The following NBPF15 variants were observed in gnomAD, a reference collection of about 807,000 sequenced individuals.
NBPF15 encodes NBPF member 15, also known as NBPF family member NBPF15.
NBPF15 carries 74 observed loss-of-function variants against 62.2 expected under a neutral mutation model. The ratio of observed to expected loss-of-function variants is 1.19; its 90% CI spans 0.99 to 1.44. NBPF15 has a LOEUF of 1.44. Among genes scored for constraint, NBPF15 ranks in the 40% most tolerant of loss-of-function variants. NBPF15 has a pLI of 0.00. For synonymous variants in NBPF15, 244 were observed against 209.7 expected (o/e 1.16, Z -1.41); for missense variants, 790 against 550.0 (o/e 1.44, Z -4.36).
At chr1:144,433,123 A>C (rs1447289251) in intron 13 of NBPF15, among the ~76,000 whole-genome samples, 1 of 152,064 alleles carries the variant, frequency 6.6e-6, no homozygotes, top group Non-Finnish European at 1.5e-5. Flanking sequence ...AGTGCCATCA[A>C]ATTAGAACCC....
At chr1:144,432,201 G>T (rs1553540318) in intron 13 of NBPF15, among the ~76,000 whole-genome samples, 1 of 151,902 alleles carries the variant, frequency 6.6e-6, no homozygotes. Context: ...TTCATATCCA[G>T]CCAAACAAAG....
chr1:144,435,715 G>T (rs1467186918), intron 11 of NBPF15, 66 bp downstream of exon 11: 71 of 721,158 alleles, frequency 9.8e-5, no homozygotes, highest in Non-Finnish European at 1.7e-4. Context: ...TGCCAGAGAG[G>T]GTGTGCCTCC....
At chr1:144,455,771 C>T (rs1410132920) in intron 4 of NBPF15, among the ~76,000 whole-genome samples, 4 of 151,898 alleles carry the variant, frequency 2.6e-5, no homozygotes, top group Non-Finnish European at 4.4e-5. Context: ...TCTTTCTCCC[C>T]CTCTCAATGC....
In NBPF15 at chr1:144,445,352, T is replaced by C. The variant is rs755238912; in HGVS notation, c.-191+3423A>G. ...CGGTGAATATATATATATATATATA[T>C]ATACACACACACACACACACACACA... On this transcript the variant is annotated intron_variant, in intron 6 of 21. Transcript: ENST00000581897. Among the ~76,000 whole-genome samples, 333 of 115,108 alleles carry C rather than the reference T, an allele frequency of 2.9e-3. 4 individuals carry two copies. In the Middle Eastern group the frequency reaches 0.039, roughly 14 times the overall value. The allele number at this position is 115,108 out of a possible 152,430, so 75.5% of individuals were successfully genotyped here.
At chr1:144,423,544 G>C (rs587664742) in intron 21 of NBPF15, among the ~76,000 whole-genome samples, 1 of 152,070 alleles carries the variant, frequency 6.6e-6, no homozygotes, top group South Asian at 2.1e-4. Flanking sequence ...AGGACACTCT[G>C]AGTTAGTGCC....
chr1:144,443,277 C>T (rs1684927336), intron 6 of NBPF15, among the ~76,000 whole-genome samples: 1 of 151,898 alleles, frequency 6.6e-6, no homozygotes, highest in African/African-American at 2.4e-5. Context: ...CATATGTGGG[C>T]ATATTGTTTG....
At chr1:144,431,372 T>A (rs1353106252) in intron 13 of NBPF15, among the ~76,000 whole-genome samples, 9 of 149,916 alleles carry the variant, frequency 6.0e-5, no homozygotes, top group Non-Finnish European at 1.3e-4. Context: ...TAGTAGCAGA[T>A]CTCTTGGCAC....
intron 6 of NBPF15, among the ~76,000 whole-genome samples, chr1:144,447,669 C>G (rs1468785940): frequency 6.6e-6 from 1 of 151,964 alleles, no homozygotes; most frequent in Non-Finnish European, 1.5e-5. Context: ...CCAGGTGACA[C>G]TAATATCCCC....
At chr1:144,443,244 CT>C in intron 6 of NBPF15, among the ~76,000 whole-genome samples, 1 of 151,736 alleles carries the variant, frequency 6.6e-6, no homozygotes, top group African/African-American at 2.4e-5. Flanking sequence ...AAAGATTCTA[CT>C]AAAAAAAAAT....
intron 15 of NBPF15, among the ~76,000 whole-genome samples, chr1:144,428,289 A>T (rs1408167932): frequency 2.0e-5 from 3 of 151,886 alleles, no homozygotes; most frequent in African/African-American, 4.8e-5. Flanking sequence ...TGCTCTCAGG[A>T]CACACAGTGA....
intron 4 of NBPF15, among the ~76,000 whole-genome samples, chr1:144,454,823 A>G (rs375056587): frequency 6.9e-6 from 1 of 144,474 alleles, no homozygotes; most frequent in East Asian, 2.1e-4. Context: ...GGTGATGACT[A>G]GGAACCACTG....
chr1:144,434,873 C>A (rs1283818907), intron 12 of NBPF15, among the ~76,000 whole-genome samples: 2 of 151,996 alleles, frequency 1.3e-5, no homozygotes, highest in African/African-American at 4.8e-5. Context: ...CTGTGCACCT[C>A]CTGCACTCAG....
chr1:144,442,562 C>A (rs1340147278), intron 6 of NBPF15: 2 of 152,178 alleles, frequency 1.3e-5, no homozygotes, highest in African/African-American at 4.9e-5. Flanking sequence ...CAGCAGCGAC[C>A]AGAGGAGCCC....
intron 8 of NBPF15, among the ~76,000 whole-genome samples, chr1:144,438,582 A>T (rs1253118393): frequency 2.0e-5 from 3 of 152,018 alleles, no homozygotes; most frequent in Admixed American, 1.3e-4. Flanking sequence ...ACATAACACC[A>T]TAAGGCCATG....
intron 2 of NBPF15, among the ~76,000 whole-genome samples, chr1:144,459,987 A>C (rs1436378678): frequency 1.4e-4 from 15 of 104,910 alleles, no homozygotes; most frequent in Non-Finnish European, 2.6e-4. Flanking sequence ...CTATTTCTTG[A>C]TCTGTGGTGG....
intron 6 of NBPF15, among the ~76,000 whole-genome samples, chr1:144,448,501 G>C (rs1375183629): frequency 6.6e-6 from 1 of 151,928 alleles, no homozygotes; most frequent in Non-Finnish European, 1.5e-5. Context: ...ATTATAAACT[G>C]TATCATCTTA....
intron 10 of NBPF15, among the ~76,000 whole-genome samples, chr1:144,436,268 G>T (rs1312762439): frequency 6.6e-6 from 1 of 152,046 alleles, no homozygotes; most frequent in Non-Finnish European, 1.5e-5. Context: ...TGCATCAGAA[G>T]ATTTCAAGCC....
At chr1:144,438,068 C>A (rs782585385) in intron 8 of NBPF15, 21 bp from the exon 9 acceptor site, 1 of 1,610,626 alleles carries the variant, frequency 6.2e-7, no homozygotes, top group African/African-American at 1.3e-5. Flanking sequence ...ACAGACACGC[C>A]TGCCTCAGTG....
rs1180583449 is a variant in NBPF15 at position 144,456,597 on chromosome 1, G to A, written c.-492C>T. On this transcript the variant is annotated 5_prime_UTR_variant, in exon 4 of 22. Coordinates refer to ENST00000581897, the MANE Select transcript of NBPF15 (RefSeq NM_001385408.1). ...CGTGTGAGGTTGCTCTTGGTGCACC[G>A]AATGGGGAAGTTTCTACATCAGTAC... 7.9e-5 allele frequency: 119 copies of A among 1,506,292 alleles called. 3 individuals are homozygous for A. Among genetic ancestry groups the A allele is most frequent in the Non-Finnish European group, 1.0e-4 (113 of 1,120,094 alleles). The allele number at this position is 1,506,292 out of a possible 1,614,324, so 93.3% of individuals were successfully genotyped here.
Sources: allele counts gnomAD v4.1 joint callset (sites outside exome capture counted in the v4.1 genomes callset), GRCh38; gene constraint gnomAD v4.1.1; transcripts MANE v1.5; gene names NCBI Gene and HGNC (gene_info 2026-07-23, HGNC 2026-07-21).